The following ARNT2 variants were observed in gnomAD, a reference collection of about 807,000 sequenced individuals.
The protein encoded by ARNT2 is aryl hydrocarbon receptor nuclear translocator 2.
Under a neutral mutation model 91.7 loss-of-function variants are expected in ARNT2, and 36 were observed. The observed-to-expected ratio is 0.39, with a 90% CI of 0.30 to 0.52. ARNT2 has a LOEUF of 0.52. Among genes scored for constraint, ARNT2 ranks in the 20% least tolerant of loss-of-function variants. ARNT2 has a pLI of 0.72. For missense variants in ARNT2, 775 were observed against 939.3 expected (o/e 0.83, Z 2.29); for synonymous variants, 365 against 347.1 (o/e 1.05, Z -0.57).
intron 17 of ARNT2, among the ~76,000 whole-genome samples, chr15:80,586,105 C>T (rs1012950369): frequency 2.0e-5 from 3 of 152,032 alleles, no homozygotes; most frequent in Non-Finnish European, 2.9e-5. Context: ...CAGGCATCTG[C>T]TTGTTGATAT....
chr15:80,443,327 G>C (rs1460574030), intron 1 of ARNT2, among the ~76,000 whole-genome samples: 1 of 152,204 alleles, frequency 6.6e-6, no homozygotes, highest in Non-Finnish European at 1.5e-5. Context: ...ATGATGGCAG[G>C]GAACTCCAGG....
At chr15:80,584,706 C>T (rs745940722) in intron 17 of ARNT2, among the ~76,000 whole-genome samples, 8 of 152,248 alleles carry the variant, frequency 5.3e-5, no homozygotes, top group African/African-American at 1.9e-4. Flanking sequence ...TTCCCAGTGC[C>T]CTCTGTGCAG....
chr15:80,411,397 T>C (rs954995387), intron 1 of ARNT2, among the ~76,000 whole-genome samples: 11 of 152,146 alleles, frequency 7.2e-5, no homozygotes, highest in African/African-American at 2.7e-4. Context: ...CAGGGAACTG[T>C]CTTTTATTTT....
At chr15:80,429,186 T>G (rs1002272771) in intron 1 of ARNT2, among the ~76,000 whole-genome samples, 2 of 152,188 alleles carry the variant, frequency 1.3e-5, no homozygotes, top group Non-Finnish European at 2.9e-5. Context: ...GTGTCTTTTG[T>G]GTATTAATGA....
At chr15:80,469,036 T>A (rs929486611) in intron 3 of ARNT2, among the ~76,000 whole-genome samples, 1 of 152,214 alleles carries the variant, frequency 6.6e-6, no homozygotes, top group Non-Finnish European at 1.5e-5. Context: ...TGAGTTGTTT[T>A]TTTCTTGCCC....
At chr15:80,437,340 T>A (rs138314151) in intron 1 of ARNT2, among the ~76,000 whole-genome samples, 1 of 152,340 alleles carries the variant, frequency 6.6e-6, no homozygotes, top group East Asian at 1.9e-4. Flanking sequence ...TGCCAGAGTC[T>A]CACCCACTCC....
chr15:80,502,481 G>T (rs1897213837), intron 5 of ARNT2, among the ~76,000 whole-genome samples: 1 of 152,324 alleles, frequency 6.6e-6, no homozygotes, highest in Admixed American at 6.5e-5. Context: ...GAGACCCAGA[G>T]GTGGGAAGAC....
At chr15:80,544,809 A>AT (rs971148593) in intron 8 of ARNT2, among the ~76,000 whole-genome samples, 1 of 152,220 alleles carries the variant, frequency 6.6e-6, no homozygotes, top group Non-Finnish European at 1.5e-5. Flanking sequence ...AACAGTTTAA[A>AT]TGATGGAAGG....
intron 8 of ARNT2, among the ~76,000 whole-genome samples, chr15:80,525,540 A>AG (rs974018078): frequency 6.7e-6 from 1 of 149,318 alleles, no homozygotes; most frequent in Non-Finnish European, 1.5e-5. Context: ...GAAGGAAGGA[A>AG]GGGGAGGATG....
In ARNT2 at chr15:80,571,905, C is replaced by T. The variant is rs1898590704; in HGVS notation, c.1317-2243C>T. 2.0e-5 allele frequency among the ~76,000 whole-genome samples: 3 copies of T among 152,332 alleles called. No individual in the cohort carries two copies. In the South Asian group the frequency reaches 6.2e-4, roughly 32 times the overall value. The stretch of plus-strand genomic sequence containing the variant: ...TTGACAACCACTTAACCTCTTTGAA[C>T]TTCAGTTTCTTAACTTTAATATGGG... On this transcript the variant is annotated intron_variant, in intron 12 of 18. Coordinates refer to ENST00000303329, the MANE Select transcript of ARNT2 (RefSeq NM_014862.4).
intron 12 of ARNT2, among the ~76,000 whole-genome samples, chr15:80,571,083 TTG>T (rs910596802): frequency 2.5e-4 from 38 of 152,274 alleles, no homozygotes; most frequent in African/African-American, 9.1e-4. Context: ...CCAACTTATT[TTG>T]TGTTTCTCCA....
chr15:80,518,873 A>G (rs889618850), intron 8 of ARNT2, among the ~76,000 whole-genome samples: 1 of 152,210 alleles, frequency 6.6e-6, no homozygotes, highest in Admixed American at 6.5e-5. Context: ...GTTATGGAGA[A>G]TGCTCTGGAC....
intron 1 of ARNT2, among the ~76,000 whole-genome samples, chr15:80,412,958 T>C (rs528065660): frequency 2.0e-4 from 30 of 152,360 alleles, no homozygotes; most frequent in African/African-American, 7.2e-4. Context: ...CTTGGCAGGT[T>C]CCGGCAACCC....
chr15:80,549,953 C>G (rs143739223), intron 8 of ARNT2, among the ~76,000 whole-genome samples: 61 of 152,272 alleles, frequency 4.0e-4, no homozygotes, highest in Non-Finnish European at 8.8e-4. Context: ...ACCTAAACGT[C>G]CAGTATTTAG....
chr15:80,566,293 CAG>C (rs1482123356), intron 12 of ARNT2, among the ~76,000 whole-genome samples: 2 of 151,996 alleles, frequency 1.3e-5, no homozygotes, highest in Admixed American at 6.5e-5. Context: ...TTCCAACAAA[CAG>C]AGACACCAGG....
chr15:80,479,019 T>A (rs992561484), intron 5 of ARNT2, among the ~76,000 whole-genome samples: 1 of 152,012 alleles, frequency 6.6e-6, no homozygotes, highest in African/African-American at 2.4e-5. Flanking sequence ...GGAGTGGAGG[T>A]GGCTTAACTA....
intron 1 of ARNT2, among the ~76,000 whole-genome samples, chr15:80,435,581 C>T (rs565770665): frequency 2.4e-4 from 37 of 152,276 alleles, no homozygotes; most frequent in Admixed American, 7.8e-4. Flanking sequence ...ACAGCCCTCT[C>T]ACATTCCTCT....
intron 10 of ARNT2, among the ~76,000 whole-genome samples, chr15:80,554,140 G>T: frequency 6.6e-6 from 1 of 152,192 alleles, no homozygotes; most frequent in South Asian, 2.1e-4. Context: ...CAGGCATGGT[G>T]GCTCATGCCT....
chr15:80,591,472 C>A lies in ARNT2; in HGVS notation c.1919-96C>A. The A allele has an allele frequency of 6.6e-7, 1 of 1,519,482 alleles. No homozygotes were observed. Among genetic ancestry groups the A allele is most frequent in the Non-Finnish European group, 9.0e-7 (1 of 1,107,116 alleles). 94.1% of individuals were successfully genotyped at this position (1,519,482 alleles called of 1,614,324 possible). On this transcript the variant is annotated intron_variant, in intron 17 of 18. Transcript: ENST00000303329. The surrounding 1 kb of genome is among the most constrained non-coding windows in gnomAD (Gnocchi z 5.1). ...CCAGCTCTGGATGGAACGTGCCTTTCAGAAGCGGGAGGCCCTCCAGCCGCA... is the reference window on the plus strand; with the variant it reads ...CCAGCTCTGGATGGAACGTGCCTTTAAGAAGCGGGAGGCCCTCCAGCCGCA...
Sources: gnomAD v4.1 joint callset for allele counts (sites outside exome capture counted in the v4.1 genomes callset) on GRCh38, gnomAD v4.1.1 for gene constraint, Gnocchi (gnomAD v3.1) non-coding constraint, MANE v1.5 for transcripts, NCBI Gene and HGNC (gene_info 2026-07-23, HGNC 2026-07-21) for gene names.